The following FER variants were observed in gnomAD, a reference collection of about 807,000 sequenced individuals.
The protein encoded by FER is FER tyrosine kinase.
A neutral mutation model predicts 111.0 loss-of-function variants in FER; 63 were observed. The observed-to-expected ratio is 0.57, with a 90% CI of 0.46 to 0.70. FER has a LOEUF of 0.70. Among genes scored for constraint, FER ranks in the 30% least tolerant of loss-of-function variants. The pLI is 0.00. For missense variants in FER, 914 were observed against 954.0 expected (o/e 0.96, Z 0.55); for synonymous variants, 327 against 313.9 (o/e 1.04, Z -0.44).
intron 16 of FER, chr5:109,052,217 G>T (rs1772933720): frequency 6.2e-7 from 1 of 1,606,438 alleles, no homozygotes; most frequent in Non-Finnish European, 8.5e-7. Context: ...AATATGATCT[G>T]CAGGACCCAG....
chr5:109,143,276 C>T (rs75255323), intron 17 of FER, among the ~76,000 whole-genome samples: 5,193 of 152,204 alleles, frequency 0.034, 145 homozygotes, highest in South Asian at 0.084. Flanking sequence ...AAAGAGTTTA[C>T]TGTATGCCAT....
At chr5:108,946,809 A>G (rs1465135295) in intron 11 of FER, among the ~76,000 whole-genome samples, 3 of 96,846 alleles carry the variant, frequency 3.1e-5, no homozygotes, top group East Asian at 6.1e-4. Flanking sequence ...CATTAGTTCT[A>G]TTTACTTGGA....
intron 3 of FER, among the ~76,000 whole-genome samples, chr5:108,828,914 A>G (rs1199722741): frequency 1.3e-5 from 2 of 152,242 alleles, no homozygotes; most frequent in African/African-American, 2.4e-5. Context: ...CCTGTGCAAC[A>G]TGGTGAGACC....
intron 13 of FER, among the ~76,000 whole-genome samples, chr5:108,978,004 G>A (rs1278505019): frequency 1.3e-5 from 2 of 152,074 alleles, no homozygotes; most frequent in Non-Finnish European, 1.5e-5. Context: ...ATGCCACCAC[G>A]ATTGGCTAAT....
intron 13 of FER, among the ~76,000 whole-genome samples, chr5:109,021,976 A>G (rs1261158534): frequency 6.6e-6 from 1 of 152,086 alleles, no homozygotes; most frequent in Admixed American, 6.6e-5. Context: ...TAAGATAATT[A>G]TAGGTTCATC....
chr5:108,946,846 A>C (rs1561660568), intron 11 of FER, among the ~76,000 whole-genome samples: 1 of 151,924 alleles, frequency 6.6e-6, no homozygotes. Context: ...CCCCTCAAAC[A>C]CACAGGCACT....
At chr5:108,931,032 A>G (rs1337095665) in intron 10 of FER, among the ~76,000 whole-genome samples, 1 of 152,212 alleles carries the variant, frequency 6.6e-6, no homozygotes, top group East Asian at 1.9e-4. Flanking sequence ...TCTGAGTAAG[A>G]ACTTTTTATT....
At chr5:109,115,968 C>G (rs972089079) in intron 17 of FER, among the ~76,000 whole-genome samples, 1 of 151,890 alleles carries the variant, frequency 6.6e-6, no homozygotes, top group East Asian at 1.9e-4. Context: ...GGAGGTTTTT[C>G]ATATAAAAGA....
intron 1 of FER, among the ~76,000 whole-genome samples, chr5:108,758,698 T>G (rs1231470669): frequency 6.6e-6 from 1 of 152,172 alleles, no homozygotes; most frequent in Non-Finnish European, 1.5e-5. Flanking sequence ...ATAGGCCATA[T>G]CTGGATTAGG....
Position 108,793,359 on chromosome 5 carries a change from G to A in FER, c.-59-4765G>A, listed in dbSNP as rs147350556. ...TCTCACTCTTTTTAATGGCTGAATA[G>A]TACTCCATTGCGTATATGTACCACA... is the stretch of plus-strand genomic sequence containing the variant. On this transcript the variant is annotated intron_variant, in intron 2 of 19. Transcript: ENST00000281092. Among the ~76,000 whole-genome samples, 10 of 152,260 alleles carry A rather than the reference G, an allele frequency of 6.6e-5. No homozygotes were observed. The East Asian group carries it at 1.9e-3, about 29-fold the overall frequency.
chr5:109,055,230 A>T lies in FER; in HGVS notation c.1924+8032A>T, dbSNP rs542862382. Among the ~76,000 whole-genome samples the T allele has an allele frequency of 3.9e-5, 6 of 152,276 alleles. No homozygotes were observed. The East Asian group carries it at 1.2e-3, about 29-fold the overall frequency. On this transcript the variant is annotated intron_variant, in intron 16 of 19. Coordinates refer to ENST00000281092, the MANE Select transcript of FER (RefSeq NM_005246.4). The stretch of plus-strand genomic sequence containing the variant: ...AAATTCCTAGAAGAGAACATGGGGG[A>T]AAACTCTGGGACATTGGCCTTGGTG...
At chr5:108,956,543 A>T (rs933705144) in intron 12 of FER, among the ~76,000 whole-genome samples, 24 of 151,644 alleles carry the variant, frequency 1.6e-4, no homozygotes, top group African/African-American at 5.8e-4. Context: ...TAAGTGGCTA[A>T]AATGAGCAAT....
At chr5:109,090,679 G>GTTT (rs36048755) in intron 16 of FER, among the ~76,000 whole-genome samples, 2,510 of 152,246 alleles carry the variant, frequency 0.016, 33 homozygotes, top group Non-Finnish European at 0.022. Context: ...TGGAGTGAAA[G>GTTT]AATACCATAA....
chr5:108,871,149 G>A (rs1764559952), intron 6 of FER, among the ~76,000 whole-genome samples: 1 of 151,986 alleles, frequency 6.6e-6, no homozygotes, highest in Non-Finnish European at 1.5e-5. Flanking sequence ...TATATCATTT[G>A]TAATTATTGT....
In FER at chr5:109,022,618, A is replaced by G. The variant is rs1273454081; in HGVS notation, c.1657-14804A>G. Among the ~76,000 whole-genome samples, 3 of 152,148 alleles carry G rather than the reference A, an allele frequency of 2.0e-5. No individual in the cohort carries two copies. The East Asian group carries it at 5.8e-4, about 29-fold the overall frequency. On this transcript the variant is annotated intron_variant, in intron 13 of 19. Transcript: ENST00000281092. ...TGGGCCCCACAAAGGCTAATGACATAATATATAGAAATATTACCTTGTGAG... is the reference window on the plus strand; with the variant it reads ...TGGGCCCCACAAAGGCTAATGACATGATATATAGAAATATTACCTTGTGAG...
chr5:109,119,562 C>G (rs1048807831), intron 17 of FER, among the ~76,000 whole-genome samples: 2 of 152,014 alleles, frequency 1.3e-5, no homozygotes, highest in African/African-American at 4.8e-5. Context: ...CCTGGATATC[C>G]TTGTTAACTT....
intron 3 of FER, among the ~76,000 whole-genome samples, chr5:108,821,501 T>A (rs993630263): frequency 2.6e-5 from 4 of 152,162 alleles, no homozygotes; most frequent in African/African-American, 9.7e-5. Flanking sequence ...AATTTTAATA[T>A]CCCAAGGCTG....
At chr5:109,058,653 A>T (rs1016225635) in intron 16 of FER, among the ~76,000 whole-genome samples, 3 of 147,078 alleles carry the variant, frequency 2.0e-5, no homozygotes, top group African/African-American at 7.4e-5. Context: ...TCATGAAAAT[A>T]GGGCCAAAAT....
At chr5:108,993,610 AGAGGGCAAGGGCGAGGGCGAGGGT>A (rs1222818119) in intron 13 of FER, among the ~76,000 whole-genome samples, 5 of 107,540 alleles carry the variant, frequency 4.6e-5, no homozygotes, top group African/African-American at 1.1e-4. Flanking sequence ...AGGGCGAGGG[AGAGGGCAAGGGCGAGGGCGAGGGT>A]GAGGGCGAGG....
Sources: allele counts gnomAD v4.1 joint callset (sites outside exome capture counted in the v4.1 genomes callset), GRCh38; gene constraint gnomAD v4.1.1; transcripts MANE v1.5; gene names NCBI Gene and HGNC (gene_info 2026-07-23, HGNC 2026-07-21).